The following LDHB variants were observed in gnomAD, a reference collection of about 807,000 sequenced individuals.
LDHB encodes the protein lactate dehydrogenase B.
LDHB carries 18 observed loss-of-function variants against 33.4 expected under a neutral mutation model. That is an observed-to-expected ratio of 0.54 (90% CI 0.37 to 0.80). The LOEUF (loss-of-function observed/expected upper bound fraction) is 0.80, where lower values mean the gene tolerates loss of function less well. Among genes scored for constraint, LDHB ranks in the 30% least tolerant of loss-of-function variants. The pLI, the probability that LDHB is intolerant of heterozygous loss-of-function variation, is 0.00. For synonymous variants in LDHB, 121 were observed against 140.6 expected, an observed-to-expected ratio of 0.86 and a Z score of 0.98; for missense variants, 345 against 407.9, an observed-to-expected ratio of 0.85 and a Z score of 1.33.
chr12:21,645,329 A>C (rs907531559), intron 3 of LDHB, among the ~76,000 whole-genome samples: 4 of 152,030 alleles, frequency 2.6e-5, no homozygotes, highest in Non-Finnish European at 5.9e-5. Flanking sequence ...GTGGGAAGGG[A>C]AAGACCTGAC....
intron 3 of LDHB, among the ~76,000 whole-genome samples, 172 bp downstream of exon 3, chr12:21,646,727 A>T (rs972284352): frequency 6.6e-6 from 1 of 151,876 alleles, no homozygotes; most frequent in African/African-American, 2.4e-5. Flanking sequence ...CAATAATCTG[A>T]ATTTGCTAAA....
At chr12:21,654,166 C>T (rs796370755) in intron 2 of LDHB, among the ~76,000 whole-genome samples, 3 of 152,308 alleles carry the variant, frequency 2.0e-5, no homozygotes, top group African/African-American at 7.2e-5. Context: ...GGTTGAGTAA[C>T]AGTTCCAGCT....
At chr12:21,649,674 T>TAA (rs5796918) in intron 2 of LDHB, among the ~76,000 whole-genome samples, 35 of 151,998 alleles carry the variant, frequency 2.3e-4, no homozygotes, top group Non-Finnish European at 4.0e-4. Flanking sequence ...GTGACAGACT[T>TAA]AAAAAAAGGC....
chr12:21,644,424 CAAAAAAAAAAAA>C (rs72491634), intron 3 of LDHB, among the ~76,000 whole-genome samples: 2 of 15,276 alleles, frequency 1.3e-4, no homozygotes, highest in African/African-American at 2.6e-4. Context: ...AGGTAGACAT[CAAAAAAAAAAAA>C]AAAAAAAAAC....
chr12:21,643,262 C>A (rs1249177544), intron 4 of LDHB, among the ~76,000 whole-genome samples: 4 of 152,130 alleles, frequency 2.6e-5, no homozygotes, highest in African/African-American at 7.2e-5. Flanking sequence ...TCTCAATGTA[C>A]CTGCTATGCT....
chr12:21,657,607 C>G (rs1349356378), intron 1 of LDHB, 144 bp downstream of exon 1: 1 of 152,502 alleles, frequency 6.6e-6, no homozygotes, highest in African/African-American at 2.4e-5. Flanking sequence ...AGTCAGGGCC[C>G]GCGGCCGGAT....
chr12:21,645,236 T>C (rs60518125), intron 3 of LDHB, among the ~76,000 whole-genome samples: 143,683 of 152,028 alleles, frequency 0.95, 68,402 homozygotes, highest in East Asian at 1. Flanking sequence ...CAGTACACTA[T>C]GGAAGGCCGC....
At chr12:21,644,713 A>G (rs944468612) in intron 3 of LDHB, among the ~76,000 whole-genome samples, 1 of 152,200 alleles carries the variant, frequency 6.6e-6, no homozygotes, top group Non-Finnish European at 1.5e-5. Context: ...GATGATTCAC[A>G]TAATTAAACT....
rs547838300 is a variant in LDHB at position 21,655,697 on chromosome 12, G to A, written c.-6-1020C>T. Among the ~76,000 whole-genome samples the A allele has an allele frequency of 7.9e-5, 12 of 152,244 alleles. No homozygotes were observed. In the East Asian group the frequency reaches 2.3e-3, roughly 29 times the overall value. ...ACTATCAGTCTCTGAAACAGTTTCT[G>A]TCTAACCATCCAAACTAAAGACCCC... On this transcript the variant is annotated intron_variant, in intron 1 of 7. Transcript: ENST00000350669.
At position 21,653,952 on chromosome 12, in the gene LDHB, T is replaced by A. The variant is rs1650314; in HGVS notation, c.129+591A>T. 2.0e-5 allele frequency among the ~76,000 whole-genome samples: 3 copies of A among 152,130 alleles called. No homozygotes were observed. The South Asian group carries it at 6.2e-4, about 31-fold the overall frequency. Reference sequence around the variant, plus strand: ...GACCACTTGAACCAGGGGATTAAGTTCAGCAGTAATGAGACAAGTTGAACA... The same window carrying A: ...GACCACTTGAACCAGGGGATTAAGTACAGCAGTAATGAGACAAGTTGAACA... On this transcript the variant is annotated intron_variant, in intron 2 of 7. Transcript: ENST00000350669.
Position 21,643,829 on chromosome 12 carries a change from G to C in LDHB, c.421+106C>G, listed in dbSNP as rs570855560. ...GCCAATGAAAGAAGACATGTAAACT[G>C]CTTCTGTAAATGAATACTGGGACTG... On this transcript the variant is annotated intron_variant, in intron 4 of 7. Transcript: ENST00000350669. The C allele has an allele frequency of 2.9e-4, 256 of 879,974 alleles. 1 individual carries two copies. The South Asian group carries it at 3.3e-3, about 11-fold the overall frequency. 54.5% of individuals were successfully genotyped at this position (879,974 alleles called of 1,614,324 possible).
Position 21,646,776 on chromosome 12 carries a change from C to T in LDHB, c.247+123G>A, listed in dbSNP as rs528608528. The T allele has an allele frequency of 3.6e-5, 26 of 714,622 alleles. No individual in the cohort carries two copies. In the African/African-American group the frequency reaches 4.6e-4, roughly 13 times the overall value. The allele number at this position is 714,622 out of a possible 1,614,324, so 44.3% of individuals were successfully genotyped here. ...ATCTTATTAACAGTTATTGAAATAACTGTTCCAAAACTTCAACCTTTCCTA... is the reference window on the plus strand; with the variant it reads ...ATCTTATTAACAGTTATTGAAATAATTGTTCCAAAACTTCAACCTTTCCTA... On this transcript the variant is annotated intron_variant, in intron 3 of 7. Transcript: ENST00000350669.
intron 7 of LDHB, 121 bp from the exon 8 acceptor site, chr12:21,635,830 G>T: frequency 2.4e-6 from 2 of 820,686 alleles, no homozygotes; most frequent in Non-Finnish European, 4.1e-6. Flanking sequence ...AGTGAGCTAT[G>T]ACAGCGGTAC....
At chr12:21,635,931 ATTGTAGAAAAC>A (rs1938203579) in intron 7 of LDHB, among the ~76,000 whole-genome samples, 1 of 152,098 alleles carries the variant, frequency 6.6e-6, no homozygotes. Context: ...AACAGAAAGA[ATTGTAGAAAAC>A]TTGATAGGCC....
At chr12:21,635,742 A>T in intron 7 of LDHB, 33 bp from the exon 8 acceptor site, 2 of 1,600,520 alleles carry the variant, frequency 1.2e-6, no homozygotes, top group Non-Finnish European at 1.7e-6. Context: ...AGATTAAGAC[A>T]TGAAACTGTA....
At chr12:21,647,620 T>C (rs1938561793) in intron 2 of LDHB, among the ~76,000 whole-genome samples, 1 of 152,206 alleles carries the variant, frequency 6.6e-6, no homozygotes, top group African/African-American at 2.4e-5. Flanking sequence ...CCAATTGTCA[T>C]TCTCTGTCCC....
intron 7 of LDHB, among the ~76,000 whole-genome samples, chr12:21,636,513 A>G (rs555976585): frequency 1.3e-5 from 2 of 152,254 alleles, no homozygotes; most frequent in African/African-American, 4.8e-5. Flanking sequence ...TAGATAGAAT[A>G]AACAAATTCC....
At chr12:21,638,586 C>T in intron 5 of LDHB, 116 bp from the exon 6 acceptor site, 1 of 734,390 alleles carries the variant, frequency 1.4e-6, no homozygotes, top group Non-Finnish European at 2.4e-6. Context: ...CCAACTGGAA[C>T]TGCTCCAATA....
At chr12:21,646,368 G>A (rs1046541610) in intron 3 of LDHB, among the ~76,000 whole-genome samples, 14 of 152,224 alleles carry the variant, frequency 9.2e-5, no homozygotes, top group Admixed American at 3.9e-4. Context: ...AGTGTGGAGT[G>A]TGGAATACAT....
Sources: gnomAD v4.1 joint callset for allele counts (sites outside exome capture counted in the v4.1 genomes callset) on GRCh38, gnomAD v4.1.1 for gene constraint, MANE v1.5 for transcripts, NCBI Gene and HGNC (gene_info 2026-07-23, HGNC 2026-07-21) for gene names.